CPB1: variants seen among roughly 807,000 people sequenced by gnomAD.
CPB1 encodes the protein carboxypeptidase B1.
CPB1 carries 53 observed loss-of-function variants against 51.4 expected under a neutral mutation model. The observed-to-expected ratio is 1.03, with a 90% CI of 0.83 to 1.30. The LOEUF is 1.30. Ranked by LOEUF, CPB1 falls within the 50% of genes most tolerant of loss-of-function variation. The pLI, the probability that CPB1 is intolerant of heterozygous loss-of-function variation, is 0.00. For missense variants in CPB1, 494 were observed against 516.2 expected, an observed-to-expected ratio of 0.96 and a Z score of 0.42; for synonymous variants, 189 against 186.9, an observed-to-expected ratio of 1.01 and a Z score of -0.09.
At chr3:148,841,783 T>C in intron 5 of CPB1, 40 bp from the exon 6 acceptor site, 1 of 1,556,118 alleles carries the variant, frequency 6.4e-7, no homozygotes, top group Non-Finnish European at 8.9e-7. Context: ...GAATGTCCTA[T>C]GATGAATCAT....
chr3:148,839,599 T>C lies in CPB1; in HGVS notation c.273-1087T>C, dbSNP rs145614880. ...GGAAACAGATTCCAGTTAGTATTAA[T>C]TTATTACACTTTCCAAAAACAGACA... On this transcript the variant is annotated intron_variant, in intron 3 of 10. Coordinates refer to ENST00000282957, the MANE Select transcript of CPB1 (RefSeq NM_001871.3). Among the ~76,000 whole-genome samples, 251 of 152,322 alleles carry C rather than the reference T, an allele frequency of 1.6e-3. 1 individual carries two copies. Among genetic ancestry groups the C allele is most frequent in the Middle Eastern group, 3.4e-3 (1 of 294 alleles).
At chr3:148,849,729 T>A (rs1354414527) in intron 9 of CPB1, among the ~76,000 whole-genome samples, 1 of 152,228 alleles carries the variant, frequency 6.6e-6, no homozygotes, top group African/African-American at 2.4e-5. Flanking sequence ...TTGCACCATT[T>A]CTCTGCATTA....
intron 2 of CPB1, among the ~76,000 whole-genome samples, chr3:148,828,723 T>C (rs1712644499): frequency 6.6e-6 from 1 of 152,196 alleles, no homozygotes; most frequent in African/African-American, 2.4e-5. Flanking sequence ...ACAAATACAG[T>C]AGTTCCACTT....
chr3:148,852,517 G>A lies in CPB1; in HGVS notation c.982-4940G>A, dbSNP rs577364979. Among the ~76,000 whole-genome samples the A allele has an allele frequency of 1.3e-4, 20 of 152,250 alleles. 1 individual carries two copies. The South Asian group carries it at 3.9e-3, about 30-fold the overall frequency. On this transcript the variant is annotated intron_variant, in intron 9 of 10. Transcript: ENST00000282957. Reference sequence around the variant, plus strand: ...AATATAAGAACAAAGTCACATTCCTGGACAAAGGCTCTCGCCTTTCACAGG... The same window carrying A: ...AATATAAGAACAAAGTCACATTCCTAGACAAAGGCTCTCGCCTTTCACAGG...
intron 6 of CPB1, 136 bp downstream of exon 6, chr3:148,842,060 A>G: frequency 1.5e-6 from 1 of 653,424 alleles, no homozygotes; most frequent in South Asian, 2.1e-5. Context: ...ATTAGTTTCA[A>G]CTTCCACCAA....
intron 3 of CPB1, among the ~76,000 whole-genome samples, chr3:148,839,643 C>T (rs1041744518): frequency 6.6e-6 from 1 of 152,174 alleles, no homozygotes; most frequent in African/African-American, 2.4e-5. Flanking sequence ...TACCCAAGTT[C>T]ACCAATTGAA....
chr3:148,839,464 C>T (rs574358453), intron 3 of CPB1, among the ~76,000 whole-genome samples: 1 of 152,160 alleles, frequency 6.6e-6, no homozygotes, highest in Non-Finnish European at 1.5e-5. Context: ...TTGGCAGCTG[C>T]TCAATAGAAA....
At chr3:148,837,839 C>T (rs1456462748) in intron 3 of CPB1, among the ~76,000 whole-genome samples, 1 of 152,064 alleles carries the variant, frequency 6.6e-6, no homozygotes, top group Admixed American at 6.6e-5. Flanking sequence ...TTTTATGCTT[C>T]TTTGTCCTGG....
At chr3:148,846,970 C>T (rs1713276783) in intron 9 of CPB1, among the ~76,000 whole-genome samples, 1 of 149,108 alleles carries the variant, frequency 6.7e-6, no homozygotes, top group South Asian at 2.1e-4. Context: ...AAATTTCTGG[C>T]CACCAGAAAA....
In CPB1 at chr3:148,845,413, T is replaced by C. The variant is rs748134821; in HGVS notation, c.779-11T>C. 2 of 1,612,970 alleles carry C rather than the reference T, an allele frequency of 1.2e-6. No individual in the cohort carries two copies. The highest frequency in any genetic ancestry group is 2.2e-5 in the South Asian group (2 of 91,058). ...GGTGATCCTTGCCATTAACATCATA[T>C]GTTTTTCCAGAAATTGGAGCCTCTC... On this transcript the variant is annotated splice_polypyrimidine_tract_variant and intron_variant, in intron 8 of 10. Transcript: ENST00000282957.
intron 9 of CPB1, chr3:148,854,024 T>C (rs1043269495): frequency 6.6e-6 from 1 of 152,246 alleles, no homozygotes; most frequent in Non-Finnish European, 1.5e-5. Context: ...TTTCAAGATA[T>C]GGACCGAGTT....
At chr3:148,833,876 A>G (rs1712814413) in intron 2 of CPB1, among the ~76,000 whole-genome samples, 1 of 152,128 alleles carries the variant, frequency 6.6e-6, no homozygotes, top group Non-Finnish European at 1.5e-5. Flanking sequence ...GGTTCTCACA[A>G]TAGTTGATGA....
chr3:148,857,567 A>G (rs748219075), intron 10 of CPB1, 26 bp downstream of exon 10: 4 of 1,576,234 alleles, frequency 2.5e-6, no homozygotes, highest in African/African-American at 1.4e-5. Context: ...AGAACTGTGC[A>G]AAGAACCATG....
At chr3:148,856,300 A>G (rs1713565655) in intron 9 of CPB1, 1 of 152,230 alleles carries the variant, frequency 6.6e-6, no homozygotes, top group Non-Finnish European at 1.5e-5. Context: ...AAGTTTTCTA[A>G]TTTACCACCT....
At chr3:148,832,048 T>C (rs4144706) in intron 2 of CPB1, among the ~76,000 whole-genome samples, 137,303 of 152,132 alleles carry the variant, frequency 0.9, 62,160 homozygotes, top group East Asian at 0.99. Flanking sequence ...TGTATGTTGA[T>C]AGGTTTGCTA....
intron 6 of CPB1, 140 bp from the exon 7 acceptor site, chr3:148,844,338 C>A: frequency 1.8e-6 from 1 of 545,318 alleles, no homozygotes; most frequent in Non-Finnish European, 3.2e-6. Context: ...TTGCTGATTG[C>A]TTTTTAAATA....
rs926867565 is a variant in CPB1 at position 148,844,867 on chromosome 3, T to C, written c.778+100T>C. On this transcript the variant is annotated intron_variant, in intron 8 of 10. Transcript: ENST00000282957. Reference sequence around the variant, plus strand: ...TCTAAAATAAAAAAAGCAAGTTTTATATTTTAAAGTTCTAACCTTCTAAAA... The same window carrying C: ...TCTAAAATAAAAAAAGCAAGTTTTACATTTTAAAGTTCTAACCTTCTAAAA... The C allele has an allele frequency of 5.5e-6, 6 of 1,083,936 alleles. No individual in the cohort carries two copies. In the African/African-American group the frequency reaches 8.1e-5, roughly 15 times the overall value. 67.1% of individuals were successfully genotyped at this position (1,083,936 alleles called of 1,614,324 possible).
chr3:148,846,352 A>G (rs1675501985), intron 9 of CPB1, among the ~76,000 whole-genome samples: 1 of 152,158 alleles, frequency 6.6e-6, no homozygotes, highest in African/African-American at 2.4e-5. Flanking sequence ...CTTTCAAACA[A>G]TATTTCTTTA....
chr3:148,835,651 G>T (rs1190699804), intron 3 of CPB1, among the ~76,000 whole-genome samples: 2 of 152,320 alleles, frequency 1.3e-5, no homozygotes, highest in East Asian at 1.9e-4. Flanking sequence ...TCCTCCTCCA[G>T]GGGGTAGATT....
Sources: allele counts gnomAD v4.1 joint callset (sites outside exome capture counted in the v4.1 genomes callset), GRCh38; gene constraint gnomAD v4.1.1; transcripts MANE v1.5; gene names NCBI Gene and HGNC (gene_info 2026-07-23, HGNC 2026-07-21).